CNTNAP5: variants seen among roughly 807,000 people sequenced by gnomAD.
CNTNAP5 encodes contactin-associated protein-like 5.
CNTNAP5 carries 72 observed loss-of-function variants against 150.2 expected under a neutral mutation model. That is an observed-to-expected ratio of 0.48 (90% CI 0.40 to 0.58). The LOEUF (loss-of-function observed/expected upper bound fraction) is 0.58, where lower values mean the gene tolerates loss of function less well. Among genes scored for constraint, CNTNAP5 ranks in the 20% least tolerant of loss-of-function variants. The probability of loss-of-function intolerance (pLI) is 0.00; values close to 1 mark genes in which losing one functional copy is unlikely to be tolerated. For synonymous variants in CNTNAP5, 672 were observed against 619.8 expected, an observed-to-expected ratio of 1.08 and a Z score of -1.25; for missense variants, 1,636 against 1,626.2, an observed-to-expected ratio of 1.01 and a Z score of -0.10.
intron 4 of CNTNAP5, among the ~76,000 whole-genome samples, chr2:124,425,716 A>G (rs1234850026): frequency 3.3e-5 from 5 of 152,058 alleles, no homozygotes; most frequent in African/African-American, 1.2e-4. Context: ...AGGGATCACC[A>G]TAATGCTTCC....
intron 21 of CNTNAP5, among the ~76,000 whole-genome samples, chr2:124,894,834 T>G (rs1025829966): frequency 6.6e-6 from 1 of 151,398 alleles, no homozygotes; most frequent in Non-Finnish European, 1.5e-5. Context: ...ATTATAAGAG[T>G]GAGCCACAGC....
intron 3 of CNTNAP5, among the ~76,000 whole-genome samples, chr2:124,264,734 C>T (rs76818673): frequency 6.6e-6 from 1 of 152,158 alleles, no homozygotes; most frequent in Non-Finnish European, 1.5e-5. Flanking sequence ...GGTTTTGTGG[C>T]TTTGCTCGCA....
chr2:124,425,733 C>A (rs59205600), intron 4 of CNTNAP5, among the ~76,000 whole-genome samples: 1 of 151,862 alleles, frequency 6.6e-6, no homozygotes, highest in Non-Finnish European at 1.5e-5. Flanking sequence ...TTCCCTGTAC[C>A]GCATCTTACA....
chr2:124,245,080 T>A (rs1686984229), intron 3 of CNTNAP5, among the ~76,000 whole-genome samples: 1 of 152,194 alleles, frequency 6.6e-6, no homozygotes, highest in Admixed American at 6.5e-5. Flanking sequence ...TTTTCTCACC[T>A]CAAATGTCAA....
At chr2:124,621,020 G>A (rs1677604029) in intron 12 of CNTNAP5, among the ~76,000 whole-genome samples, 1 of 152,088 alleles carries the variant, frequency 6.6e-6, no homozygotes, top group Non-Finnish European at 1.5e-5. Context: ...GAGCATTTCT[G>A]CTGGGACTCC....
intron 2 of CNTNAP5, among the ~76,000 whole-genome samples, chr2:124,230,879 G>C (rs1686600238): frequency 6.6e-6 from 1 of 152,110 alleles, no homozygotes; most frequent in Non-Finnish European, 1.5e-5. Flanking sequence ...TGGGTCAGTG[G>C]ATTACCCCCT....
intron 3 of CNTNAP5, among the ~76,000 whole-genome samples, chr2:124,393,464 A>G (rs1466386267): frequency 6.6e-6 from 1 of 152,150 alleles, no homozygotes; most frequent in East Asian, 1.9e-4. Flanking sequence ...GGAGACAAGC[A>G]GAAGGTTTGC....
intron 22 of CNTNAP5, among the ~76,000 whole-genome samples, chr2:124,903,336 T>C (rs1678453751): frequency 6.6e-6 from 1 of 152,168 alleles, no homozygotes; most frequent in Non-Finnish European, 1.5e-5. Flanking sequence ...ACTTTGCTTA[T>C]TATGCACGTA....
At chr2:124,867,180 A>G (rs1677650607) in intron 20 of CNTNAP5, among the ~76,000 whole-genome samples, 1 of 152,134 alleles carries the variant, frequency 6.6e-6, no homozygotes, top group African/African-American at 2.4e-5. Context: ...ACAAATAATT[A>G]TTACATGCAT....
At chr2:124,189,884 G>A (rs1019022106) in intron 1 of CNTNAP5, among the ~76,000 whole-genome samples, 16 of 152,312 alleles carry the variant, frequency 1.1e-4, no homozygotes, top group African/African-American at 3.8e-4. Context: ...CAACCCCTCG[G>A]AAAGATGGTA....
At chr2:124,333,200 T>C (rs898693809) in intron 3 of CNTNAP5, among the ~76,000 whole-genome samples, 13 of 152,006 alleles carry the variant, frequency 8.6e-5, no homozygotes, top group Non-Finnish European at 1.6e-4. Flanking sequence ...CCTTGGGAAG[T>C]TGAAGCTATA....
At chr2:124,554,314 C>T (rs1425876407) in intron 10 of CNTNAP5, among the ~76,000 whole-genome samples, 1 of 151,814 alleles carries the variant, frequency 6.6e-6, no homozygotes, top group Non-Finnish European at 1.5e-5. Flanking sequence ...ACTTGTCAAA[C>T]TTGAACATTC....
chr2:124,115,072 A>G (rs568651837), intron 1 of CNTNAP5, among the ~76,000 whole-genome samples: 1 of 152,188 alleles, frequency 6.6e-6, no homozygotes, highest in South Asian at 2.1e-4. Context: ...TGATTAGCAT[A>G]TTATTATGTC....
intron 11 of CNTNAP5, among the ~76,000 whole-genome samples, chr2:124,564,771 T>C (rs928932439): frequency 1.4e-4 from 21 of 152,212 alleles, no homozygotes; most frequent in Non-Finnish European, 2.6e-4. Context: ...GGACTATAAG[T>C]GTGATTGAGA....
chr2:124,183,070 A>G (rs1008438961), intron 1 of CNTNAP5, among the ~76,000 whole-genome samples: 1 of 152,114 alleles, frequency 6.6e-6, no homozygotes, highest in Non-Finnish European at 1.5e-5. Flanking sequence ...CCAACCCTTT[A>G]TATTTGGTGA....
intron 1 of CNTNAP5, among the ~76,000 whole-genome samples, chr2:124,156,117 A>G (rs1684522160): frequency 6.6e-6 from 1 of 152,236 alleles, no homozygotes; most frequent in Non-Finnish European, 1.5e-5. Flanking sequence ...TAGAGTTGAC[A>G]GGTAATCTTG....
chr2:124,040,655 G>GTGTGTGTC lies in CNTNAP5; in HGVS notation c.82+14924_82+14925insGTGTGTCT, dbSNP rs1491056568. On this transcript the variant is annotated intron_variant, in intron 1 of 23. Coordinates refer to ENST00000682447, the MANE Select transcript of CNTNAP5 (RefSeq NM_001367498.1). ...TGTGTGTGTGTGTGTGTGTGTGTGT[G>GTGTGTGTC]TAACAGTGCTTACTTCTTTACTGGC... Among the ~76,000 whole-genome samples, 3 of 151,218 alleles carry GTGTGTGTC rather than the reference G, an allele frequency of 2.0e-5. No homozygotes were observed. In the East Asian group the frequency reaches 5.8e-4, roughly 29 times the overall value.
intron 11 of CNTNAP5, among the ~76,000 whole-genome samples, chr2:124,583,007 G>T (rs1696449779): frequency 1.3e-5 from 2 of 151,816 alleles, no homozygotes; most frequent in Admixed American, 6.6e-5. Flanking sequence ...TTTTTTTCCA[G>T]CTTGACACCT....
At chr2:124,202,412 C>T (rs1047107348) in intron 1 of CNTNAP5, among the ~76,000 whole-genome samples, 3 of 152,128 alleles carry the variant, frequency 2.0e-5, no homozygotes, top group Non-Finnish European at 4.4e-5. Context: ...TTAACTTTAT[C>T]TTGGGATGTC....
Sources: allele counts gnomAD v4.1 joint callset (sites outside exome capture counted in the v4.1 genomes callset), GRCh38; gene constraint gnomAD v4.1.1; transcripts MANE v1.5; gene names NCBI Gene and HGNC (gene_info 2026-07-23, HGNC 2026-07-21).